The following EYS variants were observed in gnomAD, a reference collection of about 807,000 sequenced individuals.
The protein encoded by EYS is protein eyes shut homolog.
In EYS, 250 loss-of-function variants were observed where a neutral mutation model predicts 282.1. The observed-to-expected ratio is 0.89, with a 90% CI of 0.80 to 0.98. EYS has a LOEUF of 0.98. EYS is among the 50% of genes least tolerant of loss of function. The probability of loss-of-function intolerance (pLI) is 0.00; values close to 1 mark genes in which losing one functional copy is unlikely to be tolerated. For missense variants in EYS, 4,016 were observed against 3,709.0 expected (o/e 1.08, Z -2.15); for synonymous variants, 1,355 against 1,282.9 (o/e 1.06, Z -1.20).
At chr6:65,274,751 G>C (rs1421551214) in intron 12 of EYS, among the ~76,000 whole-genome samples, 1 of 152,052 alleles carries the variant, frequency 6.6e-6, no homozygotes, top group Non-Finnish European at 1.5e-5. Context: ...TGGACCAATT[G>C]GTAAGACATT....
At chr6:65,333,105 C>A (rs1454182891) in intron 11 of EYS, among the ~76,000 whole-genome samples, 2 of 149,934 alleles carry the variant, frequency 1.3e-5, no homozygotes, top group African/African-American at 4.9e-5. Context: ...TTCCTTCTTT[C>A]TACTTATTTT....
At chr6:64,937,297 T>C (rs1768942406) in intron 15 of EYS, among the ~76,000 whole-genome samples, 1 of 151,588 alleles carries the variant, frequency 6.6e-6, no homozygotes, top group Admixed American at 6.6e-5. Context: ...AATGAGTCAA[T>C]TGGTTGTCCT....
At chr6:64,532,400 A>T (rs1210355863) in intron 26 of EYS, among the ~76,000 whole-genome samples, 1 of 152,130 alleles carries the variant, frequency 6.6e-6, no homozygotes, top group Non-Finnish European at 1.5e-5. Flanking sequence ...AAACTAGGAA[A>T]ATTACAGGAA....
intron 41 of EYS, among the ~76,000 whole-genome samples, chr6:63,731,823 A>AT (rs1401258306): frequency 6.6e-6 from 1 of 152,094 alleles, no homozygotes; most frequent in Admixed American, 6.6e-5. Context: ...TACAAGTAAT[A>AT]TTTTCCCTCT....
chr6:63,979,201 C>T (rs374584744), intron 35 of EYS, among the ~76,000 whole-genome samples: 4 of 151,954 alleles, frequency 2.6e-5, no homozygotes, highest in African/African-American at 9.7e-5. Context: ...TGGAACACAA[C>T]ACAGTCATAT....
intron 36 of EYS, among the ~76,000 whole-genome samples, chr6:63,830,116 C>T (rs1189709148): frequency 6.6e-6 from 1 of 152,222 alleles, no homozygotes; most frequent in East Asian, 1.9e-4. Flanking sequence ...TGGGGAGAAA[C>T]CAGAGCAGAA....
chr6:65,201,724 A>G (rs1043898591), intron 12 of EYS, among the ~76,000 whole-genome samples: 1 of 152,096 alleles, frequency 6.6e-6, no homozygotes, highest in African/African-American at 2.4e-5. Flanking sequence ...AACTATTTCA[A>G]AGCAATAACA....
intron 2 of EYS, among the ~76,000 whole-genome samples, chr6:65,498,936 A>C (rs550776688): frequency 1.3e-5 from 2 of 152,138 alleles, no homozygotes; most frequent in East Asian, 3.9e-4. Flanking sequence ...ATTTTATCCC[A>C]GGTGATATTA....
chr6:65,584,885 A>C (rs925551488), intron 2 of EYS, among the ~76,000 whole-genome samples: 4 of 138,620 alleles, frequency 2.9e-5, no homozygotes. Flanking sequence ...CACTATGGGA[A>C]TATTATATAT....
In EYS at chr6:65,495,544, C is replaced by A. The variant is rs1355531772; in HGVS notation, c.-134G>T. 19 of 834,030 alleles carry A rather than the reference C, an allele frequency of 2.3e-5. No individual in the cohort carries two copies. The highest frequency in any genetic ancestry group is 3.3e-5 in the Non-Finnish European group (17 of 522,430). 51.7% of individuals were successfully genotyped at this position (834,030 alleles called of 1,614,324 possible). On this transcript the variant is annotated 5_prime_UTR_variant, in exon 4 of 43. Transcript: ENST00000503581. ...TTGGAATTGACCTTTTTTCTATACC[C>A]AAAGTAGCTTTGATGACAATGTGCT... is the stretch of plus-strand genomic sequence containing the variant.
At chr6:64,767,253 C>T (rs1773380868) in intron 22 of EYS, among the ~76,000 whole-genome samples, 1 of 151,942 alleles carries the variant, frequency 6.6e-6, no homozygotes, top group Non-Finnish European at 1.5e-5. Context: ...TCATACCGTA[C>T]ATTTATTATG....
chr6:64,670,782 G>C (rs998282435), intron 22 of EYS, among the ~76,000 whole-genome samples: 8 of 152,034 alleles, frequency 5.3e-5, no homozygotes, highest in Non-Finnish European at 1.0e-4. Flanking sequence ...TTGTTCCCAG[G>C]CTCTACATTG....
intron 19 of EYS, among the ~76,000 whole-genome samples, chr6:64,870,237 C>T (rs79654876): frequency 0.025 from 3,730 of 151,546 alleles, 154 homozygotes; most frequent in African/African-American, 0.086. Flanking sequence ...CATAAATATT[C>T]ATAAAAGTGC....
At chr6:65,274,603 A>C (rs59862595) in intron 12 of EYS, among the ~76,000 whole-genome samples, 1,710 of 152,286 alleles carry the variant, frequency 0.011, 35 homozygotes, top group African/African-American at 0.039. Context: ...CAGGGTTATA[A>C]AAATTCTTCA....
intron 31 of EYS, among the ~76,000 whole-genome samples, chr6:64,206,062 C>A (rs1765601136): frequency 6.6e-6 from 1 of 151,864 alleles, no homozygotes; most frequent in Non-Finnish European, 1.5e-5. Context: ...TCTTCCCCTG[C>A]CCAAAATAAT....
At chr6:64,669,950 C>T (rs1338821) in intron 22 of EYS, among the ~76,000 whole-genome samples, 87,696 of 151,998 alleles carry the variant, frequency 0.58, 25,582 homozygotes, top group South Asian at 0.68. Flanking sequence ...TTTCTTAGAG[C>T]AATTAACATA....
At chr6:64,780,557 C>T (rs1202615953) in intron 22 of EYS, among the ~76,000 whole-genome samples, 1 of 152,090 alleles carries the variant, frequency 6.6e-6, no homozygotes, top group Non-Finnish European at 1.5e-5. Flanking sequence ...GAACAATTAT[C>T]TGTTGGGTAC....
At chr6:65,515,160 C>A (rs1175963397) in intron 2 of EYS, among the ~76,000 whole-genome samples, 10 of 152,240 alleles carry the variant, frequency 6.6e-5, no homozygotes, top group South Asian at 4.1e-4. Flanking sequence ...CAAAAGAAGA[C>A]ATTTATCCAG....
At chr6:63,825,248 A>T (rs1394571035) in intron 36 of EYS, among the ~76,000 whole-genome samples, 2 of 152,074 alleles carry the variant, frequency 1.3e-5, no homozygotes, top group Non-Finnish European at 2.9e-5. Flanking sequence ...CCACAGCAAA[A>T]CCTATACAAG....
Sources: gnomAD v4.1 joint callset for allele counts (sites outside exome capture counted in the v4.1 genomes callset) on GRCh38, gnomAD v4.1.1 for gene constraint, MANE v1.5 for transcripts, NCBI Gene and HGNC (gene_info 2026-07-23, HGNC 2026-07-21) for gene names.